The following STEAP2 variants were observed in gnomAD, a reference collection of about 807,000 sequenced individuals.
STEAP2 encodes STEAP2 metalloreductase.
STEAP2 carries 30 observed loss-of-function variants against 46.4 expected under a neutral mutation model. The ratio of observed to expected loss-of-function variants is 0.65; its 90% confidence interval spans 0.48 to 0.88. The LOEUF is 0.88. Among genes scored for constraint, STEAP2 ranks in the 40% least tolerant of loss-of-function variants. The pLI is 0.00. For missense variants in STEAP2, 513 were observed against 579.3 expected (o/e 0.89, Z 1.18); for synonymous variants, 180 against 200.5 (o/e 0.90, Z 0.86).
rs1795863457 is a variant in STEAP2 at position 90,233,989 on chromosome 7, C to T, written c.*1365C>T. ...GAGACCCATGGCAGTCCATATGCCT[C>T]CCTATGCAGTGAAGGGCCCTAGCAG... On this transcript the variant is annotated 3_prime_UTR_variant, in exon 6 of 6. Transcript: ENST00000394621. 1.0e-6 allele frequency: 1 copy of T among 985,266 alleles called. No individual in the cohort carries two copies. The highest frequency in any genetic ancestry group is 6.2e-5 in the Admixed American group (1 of 16,256). The allele number at this position is 985,266 out of a possible 1,614,324, so 61.0% of individuals were successfully genotyped here.
chr7:90,231,737 T>TAC (rs1338126493), intron 5 of STEAP2, among the ~76,000 whole-genome samples: 3 of 151,996 alleles, frequency 2.0e-5, no homozygotes, highest in Admixed American at 6.6e-5. Flanking sequence ...TGTATGTGTA[T>TAC]ACACACACAC....
chr7:90,223,580 T>C (rs908758288), intron 2 of STEAP2, among the ~76,000 whole-genome samples: 43 of 152,232 alleles, frequency 2.8e-4, no homozygotes, highest in Admixed American at 9.8e-4. Flanking sequence ...AGTGAAGTTA[T>C]ATGCTTGCGC....
At position 90,234,668 on chromosome 7, in the gene STEAP2, A is replaced by G; in HGVS notation, c.*2044A>G. 1.8e-6 allele frequency: 1 copy of G among 542,998 alleles called. No individual in the cohort carries two copies. The highest frequency in any genetic ancestry group is 2.3e-6 in the Non-Finnish European group (1 of 428,014). The allele number at this position is 542,998 out of a possible 1,614,324, so 33.6% of individuals were successfully genotyped here. A position where few individuals can be genotyped will look rare whatever the true frequency, so the allele number is the denominator to read the frequency against. Reference sequence around the variant, plus strand: ...CGGGTTCACGCCATTCTCCTGCCTCAGCCTCCCGAGTAGCTGGGACTACAG... The same window carrying G: ...CGGGTTCACGCCATTCTCCTGCCTCGGCCTCCCGAGTAGCTGGGACTACAG... On this transcript the variant is annotated 3_prime_UTR_variant, in exon 6 of 6. Coordinates refer to ENST00000394621, the MANE Select transcript of STEAP2 (RefSeq NM_001244944.2).
chr7:90,223,366 G>A lies in STEAP2; in HGVS notation c.-33-1684G>A, dbSNP rs1387203320. Among the ~76,000 whole-genome samples the A allele has an allele frequency of 2.0e-5, 3 of 152,292 alleles. No individual in the cohort carries two copies. In the South Asian group the frequency reaches 6.2e-4, roughly 32 times the overall value. ...TCTCTGGGCATGGGCAAGCCAAGCTGGGTCCTGACTCCCCCATCTGTCTGC... is the reference window on the plus strand; with the variant it reads ...TCTCTGGGCATGGGCAAGCCAAGCTAGGTCCTGACTCCCCCATCTGTCTGC... On this transcript the variant is annotated intron_variant, in intron 2 of 5. Coordinates refer to ENST00000394621, the MANE Select transcript of STEAP2 (RefSeq NM_001244944.2).
chr7:90,227,266 C>G lies in STEAP2; in HGVS notation c.788C>G (p.Ala263Gly). ...EIVNKTLPIVAITLLSLVYLA... is the reference protein window; with the variant it reads ...EIVNKTLPIVGITLLSLVYLA... ...GTGAATAAAACCTTACCTATAGTTG[C>G]CATTACTTTGCTCTCCCTAGTATAC... Residue 263 changes from alanine (A) to glycine (G), a missense_variant, in exon 4 of 6, where the codon GCC becomes GGC. Transcript: ENST00000394621. 1 of 1,613,870 alleles carries G rather than the reference C, an allele frequency of 6.2e-7. No individual in the cohort carries two copies. Among genetic ancestry groups the G allele is most frequent in the South Asian group, 1.1e-5 (1 of 91,060 alleles).
At chr7:90,220,112 T>C (rs1221595570) in intron 2 of STEAP2, among the ~76,000 whole-genome samples, 4 of 152,182 alleles carry the variant, frequency 2.6e-5, no homozygotes, top group Admixed American at 2.0e-4. Flanking sequence ...TGTTGAGCCT[T>C]GTTTGCTTTT....
rs2116374867 is a variant in STEAP2, at chr7:90,233,095, C to T, written c.*471C>T. The stretch of plus-strand genomic sequence containing the variant: ...TTTAAGAAAGGACACGTTATGTTAG[C>T]ATCTAGGTAAGGCTGCATGATAGCA... On this transcript the variant is annotated 3_prime_UTR_variant, in exon 6 of 6. Coordinates refer to ENST00000394621, the MANE Select transcript of STEAP2 (RefSeq NM_001244944.2). The T allele has an allele frequency of 1.0e-6, 1 of 984,978 alleles. No homozygotes were observed. The highest frequency in any genetic ancestry group is 4.7e-5 in the South Asian group (1 of 21,284). The allele number at this position is 984,978 out of a possible 1,614,324, so 61.0% of individuals were successfully genotyped here.
rs1266007675 is a variant in STEAP2, at chr7:90,234,136, A to G, written c.*1512A>G. Reference sequence around the variant, plus strand: ...AACCATTCATTAGGGAGTACTTTACAAGCATGAAGGATATTAGGGTAAGTG... The same window carrying G: ...AACCATTCATTAGGGAGTACTTTACGAGCATGAAGGATATTAGGGTAAGTG... On this transcript the variant is annotated 3_prime_UTR_variant, in exon 6 of 6. Coordinates refer to ENST00000394621, the MANE Select transcript of STEAP2 (RefSeq NM_001244944.2). The G allele has an allele frequency of 1.0e-6, 1 of 985,314 alleles. No homozygotes were observed. The highest frequency in any genetic ancestry group is 1.7e-5 in the African/African-American group (1 of 57,242). The allele number at this position is 985,314 out of a possible 1,614,324, so 61.0% of individuals were successfully genotyped here. A position where few individuals can be genotyped will look rare whatever the true frequency, so the allele number is the denominator to read the frequency against.
Position 90,229,908 on chromosome 7 carries a change from G to T in STEAP2, c.1057G>T (p.Glu353Ter). 6.2e-7 allele frequency: 1 copy of T among 1,613,120 alleles called. No homozygotes were observed. Among genetic ancestry groups the T allele is most frequent in the Non-Finnish European group, 8.5e-7 (1 of 1,179,432 alleles). ...TATTGAAAACTCTTGGAATGAGGAA[G>T]AAGTTTGGAGAATTGAAATGTATAT... The part of the protein sequence containing the change: ...ANIENSWNEE[E>*]VWRIEMYISF... Residue 353 changes from glutamate to a stop codon, truncating the protein, a stop_gained, in exon 5 of 6, where the codon GAA (glutamate) becomes TAA (stop). Coordinates refer to ENST00000394621, the MANE Select transcript of STEAP2 (RefSeq NM_001244944.2). LOFTEE classifies it high-confidence loss of function.
chr7:90,235,782 C>T lies in STEAP2; in HGVS notation c.*3158C>T. ...TGCTAACATTATTTTTCAAAACATA[C>T]ATGGAAATTTAGCCCAGATTGTCTA... On this transcript the variant is annotated 3_prime_UTR_variant, in exon 6 of 6. Coordinates refer to ENST00000394621, the MANE Select transcript of STEAP2 (RefSeq NM_001244944.2). The T allele has an allele frequency of 1.3e-6, 1 of 792,474 alleles. No individual in the cohort carries two copies. The highest frequency in any genetic ancestry group is 1.5e-6 in the Non-Finnish European group (1 of 654,176). 49.1% of individuals were successfully genotyped at this position (792,474 alleles called of 1,614,324 possible).
In STEAP2 at chr7:90,229,920, A is replaced by G. The variant is rs372509068; in HGVS notation, c.1069A>G (p.Ile357Val). 6.2e-7 allele frequency: 1 copy of G among 1,613,500 alleles called. No individual in the cohort carries two copies. The highest frequency in any genetic ancestry group is 2.2e-5 in the East Asian group (1 of 44,854). Residue 357 changes from isoleucine (I) to valine (V), a missense_variant, in exon 5 of 6, where the codon ATT (isoleucine) becomes GTT (valine). Physicochemically the swap from Ile to Val is conservative, Grantham distance 29. Coordinates refer to ENST00000394621, the MANE Select transcript of STEAP2 (RefSeq NM_001244944.2). ...NSWNEEEVWR[I>V]EMYISFGIMS... ...TTGGAATGAGGAAGAAGTTTGGAGA[A>G]TTGAAATGTATATCTCCTTTGGCAT... is the stretch of plus-strand genomic sequence containing the variant.
intron 1 of STEAP2, among the ~76,000 whole-genome samples, chr7:90,215,024 G>A (rs1794960044): frequency 6.6e-6 from 1 of 152,182 alleles, no homozygotes; most frequent in Non-Finnish European, 1.5e-5. Context: ...CAGTCATAAG[G>A]AATAAACTAG....
At position 90,233,534 on chromosome 7, in the gene STEAP2, T is replaced by C. The variant is rs1795842273; in HGVS notation, c.*910T>C. The C allele has an allele frequency of 3.0e-6, 3 of 984,944 alleles. No homozygotes were observed. The highest frequency in any genetic ancestry group is 9.4e-5 in the South Asian group (2 of 21,280). 61.0% of individuals were successfully genotyped at this position (984,944 alleles called of 1,614,324 possible). ...TGGTATAGGATTATACTGATGTTCT[T>C]TGAGGGATTCTGATGTGCTAGGCAT... On this transcript the variant is annotated 3_prime_UTR_variant, in exon 6 of 6. Coordinates refer to ENST00000394621, the MANE Select transcript of STEAP2 (RefSeq NM_001244944.2).
rs194528 is a variant in STEAP2, at chr7:90,233,684, T to A, written c.*1060T>A. On this transcript the variant is annotated 3_prime_UTR_variant, in exon 6 of 6. Transcript: ENST00000394621. ...ATAGAAAAGTTATTTTTCAAAGGTC[T>A]TGCAGTTAATAAATGGCAGAGTGAG... is the stretch of plus-strand genomic sequence containing the variant. The A allele has an allele frequency of 0.86, 785,377 of 915,874 alleles. 337,497 individuals are homozygous for A. Among genetic ancestry groups the A allele is most frequent in the East Asian group, 1 (8,437 of 8,448 alleles). 56.7% of individuals were successfully genotyped at this position (915,874 alleles called of 1,614,324 possible). A position where few individuals can be genotyped will look rare whatever the true frequency, so the allele number is the denominator to read the frequency against.
At chr7:90,225,640 C>G in intron 3 of STEAP2, 66 bp downstream of exon 3, 1 of 1,468,466 alleles carries the variant, frequency 6.8e-7, no homozygotes, top group Non-Finnish European at 9.1e-7. Flanking sequence ...AAGCAAATAT[C>G]AAACATTTTA....
rs576839588 is a variant in STEAP2 at position 90,228,095 on chromosome 7, A to G, written c.1020+597A>G. ...AGCTTTTCTAGCACTTAGCTCTAAA[A>G]AAAAAAATCTCAGGGAGCACTTCAT... On this transcript the variant is annotated intron_variant, in intron 4 of 5. Transcript: ENST00000394621. 1.1e-4 allele frequency among the ~76,000 whole-genome samples: 17 copies of G among 152,274 alleles called. No homozygotes were observed. In the South Asian group the frequency reaches 3.3e-3, roughly 30 times the overall value.
Position 90,232,948 on chromosome 7 carries a change from AC to A in STEAP2, c.*325del, listed in dbSNP as rs1053832491. The A allele has an allele frequency of 1.0e-6, 1 of 981,564 alleles. No homozygotes were observed. The highest frequency in any genetic ancestry group is 1.2e-6 in the Non-Finnish European group (1 of 823,896). 60.8% of individuals were successfully genotyped at this position (981,564 alleles called of 1,614,324 possible). ...TAATAATATAGATATAATGTTAAAA[AC>A]AATTTGCAAACCAGCAGAATTTTAA... On this transcript the variant is annotated 3_prime_UTR_variant, in exon 6 of 6. Coordinates refer to ENST00000394621, the MANE Select transcript of STEAP2 (RefSeq NM_001244944.2).
intron 2 of STEAP2, among the ~76,000 whole-genome samples, chr7:90,217,560 T>G (rs1016011654): frequency 2.8e-4 from 42 of 152,118 alleles, no homozygotes; most frequent in African/African-American, 9.4e-4. Context: ...TGGCCTCCAC[T>G]CCTATCCATG....
At chr7:90,239,561 G>A (rs935172574), downstream of STEAP2, among the ~76,000 whole-genome samples, 2 of 151,994 alleles carry the variant, frequency 1.3e-5, no homozygotes, top group Non-Finnish European at 2.9e-5. Flanking sequence ...TCTATCCTGG[G>A]GTTATTGCAC....
Sources: gnomAD v4.1 joint callset for allele counts (sites outside exome capture counted in the v4.1 genomes callset) on GRCh38, gnomAD v4.1.1 for gene constraint, MANE v1.5 for transcripts, NCBI Gene and HGNC (gene_info 2026-07-23, HGNC 2026-07-21) for gene names.